The following NAAA variants were observed in gnomAD, a reference collection of about 807,000 sequenced individuals.
NAAA encodes N-acylethanolamine acid amidase.
Under a neutral mutation model 44.8 loss-of-function variants are expected in NAAA, and 39 were observed. That is an observed-to-expected ratio of 0.87 (90% CI 0.67 to 1.14). The LOEUF is 1.14. Ranked by LOEUF, NAAA falls within the 50% of genes most tolerant of loss-of-function variation. NAAA has a pLI of 0.00. For synonymous variants in NAAA, 178 were observed against 191.3 expected (o/e 0.93, Z 0.58); for missense variants, 460 against 467.8 (o/e 0.98, Z 0.15).
At chr4:75,922,547 A>G (rs1490373246) in intron 5 of NAAA, among the ~76,000 whole-genome samples, 1 of 152,218 alleles carries the variant, frequency 6.6e-6, no homozygotes, top group Admixed American at 6.5e-5. Context: ...CACTCCATCT[A>G]TTAGCACTGG....
chr4:75,918,964 G>A (rs1214763926), intron 8 of NAAA, among the ~76,000 whole-genome samples, 175 bp from the exon 9 acceptor site: 2 of 151,928 alleles, frequency 1.3e-5, no homozygotes, highest in Non-Finnish European at 2.9e-5. Flanking sequence ...GCAACATAGA[G>A]AGACCCTGTC....
intron 2 of NAAA, among the ~76,000 whole-genome samples, chr4:75,937,814 T>A (rs1314120072): frequency 6.6e-6 from 1 of 152,150 alleles, no homozygotes; most frequent in Non-Finnish European, 1.5e-5. Context: ...GAGCTTAACT[T>A]CAAAGAGTTC....
chr4:75,936,357 A>G lies in NAAA; in HGVS notation c.372-122T>C. ...AGTTTTTCTTCCTTATAACTGATAT[A>G]TGTGCTATAATGCTTGTATAAGAAT... On this transcript the variant is annotated intron_variant, in intron 2 of 10. Coordinates refer to ENST00000286733, the MANE Select transcript of NAAA (RefSeq NM_014435.4). The G allele has an allele frequency of 3.0e-6, 3 of 1,013,766 alleles. No homozygotes were observed. The South Asian group carries it at 4.8e-5, about 16-fold the overall frequency. The allele number at this position is 1,013,766 out of a possible 1,614,324, so 62.8% of individuals were successfully genotyped here.
chr4:75,940,886 C>A lies in NAAA; in HGVS notation c.64G>T (p.Gly22Trp). Residue 22 changes from glycine to tryptophan, a missense_variant, in exon 1 of 11, where the codon GGG (glycine) becomes TGG (tryptophan). Coordinates refer to ENST00000286733, the MANE Select transcript of NAAA (RefSeq NM_014435.4). ...LPSLLLLLLA[G>W]AGLSAASPPA... is the part of the protein sequence containing the mutation. ...GGCGAGGCGGCTGACAGCCCGGCCC[C>A]GGCCAGCAGCAGCAGCAGCAGGGAC... The A allele has an allele frequency of 6.4e-7, 1 of 1,554,654 alleles. No individual in the cohort carries two copies. The highest frequency in any genetic ancestry group is 8.6e-7 in the Non-Finnish European group (1 of 1,160,756).
chr4:75,938,998 C>T lies in NAAA; in HGVS notation c.371+1003G>A, dbSNP rs140873668. Among the ~76,000 whole-genome samples the T allele has an allele frequency of 1.9e-3, 292 of 152,144 alleles. 4 individuals carry two copies. The highest frequency in any genetic ancestry group is 6.9e-3 in the African/African-American group (287 of 41,498). ...CCAAGTAGCTGGGATTCACAGGTGC[C>T]CGCCACCAGGCCCTGGTAATTTTTT... On this transcript the variant is annotated intron_variant, in intron 2 of 10. Coordinates refer to ENST00000286733, the MANE Select transcript of NAAA (RefSeq NM_014435.4).
intron 2 of NAAA, among the ~76,000 whole-genome samples, chr4:75,939,295 T>C (rs139266587): frequency 1.3e-5 from 2 of 151,854 alleles, no homozygotes; most frequent in Non-Finnish European, 2.9e-5. Context: ...GGGCGACAAA[T>C]AAGGGCAGAG....
chr4:75,931,338 A>G, intron 3 of NAAA, 34 bp from the exon 4 acceptor site: 1 of 1,513,480 alleles, frequency 6.6e-7, no homozygotes, highest in Non-Finnish European at 9.2e-7. Context: ...TCATTTCACC[A>G]TTCCAATCAA....
In NAAA at chr4:75,921,007, G is replaced by A. The variant is rs1245075669; in HGVS notation, c.783C>T (p.Ile261=). 5.6e-6 allele frequency: 9 copies of A among 1,611,548 alleles called. No individual in the cohort carries two copies. In the African/African-American group the frequency reaches 9.4e-5, roughly 17 times the overall value. The change falls in exon 6 of 11, where the codon ATC becomes ATT. Residue 261 remains isoleucine, a synonymous_variant. Coordinates refer to ENST00000286733, the MANE Select transcript of NAAA (RefSeq NM_014435.4). Reference sequence around the variant, plus strand: ...CTGCTGGGCCATCTCTGTTCCTCGTGATGACCACCCCCTCCCGGGGGGACG... The same window carrying A: ...CTGCTGGGCCATCTCTGTTCCTCGTAATGACCACCCCCTCCCGGGGGGACG... The part of the protein sequence containing the change: ...GGTSPREGVV[I]TRNRDGPADI...
intron 3 of NAAA, among the ~76,000 whole-genome samples, chr4:75,934,279 C>A (rs1010619284): frequency 6.6e-6 from 1 of 151,720 alleles, no homozygotes; most frequent in African/African-American, 2.4e-5. Context: ...CTTCACAGGG[C>A]TGCTGGGGGG....
In NAAA at chr4:75,931,214, C is replaced by A; in HGVS notation, c.589G>T (p.Asp197Tyr). ...HKFTVSGDERDKGWWWENAIA... is the reference protein window; with the variant it reads ...HKFTVSGDERYKGWWWENAIA... ...TTACACAGGGGTTTGTTTTGATTAC[C>A]TCGTTCATCACCAGAAACTGTAAAC... Residue 197 changes from aspartate to tyrosine, a missense_variant and splice_region_variant, in exon 4 of 11, where the codon GAT becomes TAT. By Grantham distance (160) the Asp-to-Tyr change is radical (BLOSUM62 -3). Transcript: ENST00000286733. 2 of 1,610,762 alleles carry A rather than the reference C, an allele frequency of 1.2e-6. No individual in the cohort carries two copies. Among genetic ancestry groups the A allele is most frequent in the Non-Finnish European group, 1.7e-6 (2 of 1,177,528 alleles).
chr4:75,933,803 G>A (rs1432294645), intron 3 of NAAA, among the ~76,000 whole-genome samples: 1 of 151,962 alleles, frequency 6.6e-6, no homozygotes, highest in East Asian at 1.9e-4. Context: ...GGGAGGCCGA[G>A]GCGGGTGGAT....
rs141115040 is a variant in NAAA at position 75,937,044 on chromosome 4, T to C, written c.372-809A>G. Among the ~76,000 whole-genome samples, 1,471 of 152,336 alleles carry C rather than the reference T, an allele frequency of 9.7e-3. 15 individuals carry two copies. Among genetic ancestry groups the C allele is most frequent in the Non-Finnish European group, 0.016 (1,073 of 68,018 alleles). On this transcript the variant is annotated intron_variant, in intron 2 of 10. Transcript: ENST00000286733. ...CTTTGTTTTTTTACTTTTCTACATT[T>C]ACTGATTTTCTACAACGATTACATG... is the stretch of plus-strand genomic sequence containing the variant.
chr4:75,915,009 T>A (rs772940659), intron 9 of NAAA, 24 bp from the exon 10 acceptor site: 3 of 1,516,022 alleles, frequency 2.0e-6, no homozygotes, highest in South Asian at 2.2e-5. Context: ...GGAAATTTTA[T>A]GTACACATCA....
intron 4 of NAAA, among the ~76,000 whole-genome samples, chr4:75,927,645 C>G (rs1348462711): frequency 5.1e-5 from 5 of 97,292 alleles, no homozygotes; most frequent in South Asian, 5.2e-4. Flanking sequence ...CCCCCCCCCC[C>G]CCGCCAAAAA....
chr4:75,923,157 C>T (rs1726332057), intron 5 of NAAA, among the ~76,000 whole-genome samples: 2 of 152,140 alleles, frequency 1.3e-5, no homozygotes, highest in South Asian at 4.1e-4. Flanking sequence ...ATCCTCCCGC[C>T]TCAGCCTCCT....
Position 75,940,671 on chromosome 4 carries a change from C to CT in NAAA, c.206+72dup, listed in dbSNP as rs1578097522. On this transcript the variant is annotated intron_variant, in intron 1 of 10. Transcript: ENST00000286733. ...GTAAAGCGTCCCCGTTTAAAGCACT[C>CT]TGAGCAGCGCGCGTTTGACTCCGAC... 3 of 1,481,944 alleles carry CT rather than the reference C, an allele frequency of 2.0e-6. No homozygotes were observed. The East Asian group carries it at 7.7e-5, about 38-fold the overall frequency. The allele number at this position is 1,481,944 out of a possible 1,614,324, so 91.8% of individuals were successfully genotyped here. A position where few individuals can be genotyped will look rare whatever the true frequency, so the allele number is the denominator to read the frequency against.
chr4:75,933,006 G>A (rs1341628048), intron 3 of NAAA, among the ~76,000 whole-genome samples: 3 of 151,530 alleles, frequency 2.0e-5, no homozygotes, highest in Admixed American at 1.3e-4. Context: ...GTGGTGGCAC[G>A]CACCTGTGGT....
chr4:75,938,121 A>G (rs1385004839), intron 2 of NAAA, among the ~76,000 whole-genome samples: 1 of 152,148 alleles, frequency 6.6e-6, no homozygotes, highest in Non-Finnish European at 1.5e-5. Context: ...AGATGATACC[A>G]TCTTCCCCAC....
intron 2 of NAAA, among the ~76,000 whole-genome samples, chr4:75,939,529 C>T (rs1728038816): frequency 6.6e-6 from 1 of 151,422 alleles, no homozygotes; most frequent in African/African-American, 2.4e-5. Context: ...GATTCTCCTG[C>T]CTCAACCTCC....
Sources: allele counts gnomAD v4.1 joint callset (sites outside exome capture counted in the v4.1 genomes callset), GRCh38; gene constraint gnomAD v4.1.1; transcripts MANE v1.5; gene names NCBI Gene and HGNC (gene_info 2026-07-23, HGNC 2026-07-21).